The following FAM184B variants were observed in gnomAD, a reference collection of about 807,000 sequenced individuals.
FAM184B encodes the protein family with sequence similarity 184 member B.
Under a neutral mutation model 135.9 loss-of-function variants are expected in FAM184B, and 111 were observed. That is an observed-to-expected ratio of 0.82 (90% confidence interval 0.70 to 0.96). The LOEUF is 0.96. FAM184B is among the 40% of genes least tolerant of loss of function. FAM184B has a pLI of 0.00. For missense variants in FAM184B, 1,375 were observed against 1,323.9 expected, an observed-to-expected ratio of 1.04 and a Z score of -0.60; for synonymous variants, 552 against 524.8, an observed-to-expected ratio of 1.05 and a Z score of -0.71.
chr4:17,673,967 C>T (rs564337277), intron 7 of FAM184B, among the ~76,000 whole-genome samples: 27 of 151,928 alleles, frequency 1.8e-4, no homozygotes, highest in African/African-American at 4.3e-4. Flanking sequence ...GAAAGATTTT[C>T]CCAGACAAAC....
rs1468677524 is a variant in FAM184B, at chr4:17,707,779, C to G, written c.900G>C (p.Leu300=). Residue 300 remains leucine, a synonymous_variant, in exon 3 of 18, where the codon CTG becomes CTC. Coordinates refer to ENST00000265018, the MANE Select transcript of FAM184B (RefSeq NM_015688.2). The stretch of plus-strand genomic sequence containing the variant: ...GTCGAGCCTCCTTAAGCTGCACATC[C>G]AGGTCCTAAACAGACAGGAAGGGTC... ...AQKLKERIQD[L]DVQLKEARQE... The G allele has an allele frequency of 1.3e-6, 2 of 1,551,976 alleles. No individual in the cohort carries two copies. The highest frequency in any genetic ancestry group is 1.7e-6 in the Non-Finnish European group (2 of 1,147,044).
At chr4:17,707,809 T>C in intron 2 of FAM184B, 25 bp from the exon 3 acceptor site, 2 of 1,551,696 alleles carry the variant, frequency 1.3e-6, no homozygotes, top group Non-Finnish European at 1.7e-6. Context: ...AGGGTCCCAT[T>C]TCTCTGGTTA....
intron 7 of FAM184B, 94 bp downstream of exon 7, chr4:17,688,330 C>T (rs1716639019): frequency 1.1e-6 from 1 of 869,900 alleles, no homozygotes; most frequent in Non-Finnish European, 1.8e-6. Flanking sequence ...TGTAAAAGAG[C>T]CCATTAACAT....
intron 7 of FAM184B, among the ~76,000 whole-genome samples, chr4:17,665,525 C>A (rs1171107548): frequency 6.6e-6 from 1 of 152,142 alleles, no homozygotes; most frequent in Non-Finnish European, 1.5e-5. Flanking sequence ...GGCCTTGAGC[C>A]AGCTTCTTCC....
At chr4:17,660,232 CA>C (rs1560170307) in intron 8 of FAM184B, 145 bp from the exon 9 acceptor site, 1 of 919,548 alleles carries the variant, frequency 1.1e-6, no homozygotes. Context: ...GCTTGGCTTT[CA>C]AAAAGCAACC....
intron 1 of FAM184B, among the ~76,000 whole-genome samples, chr4:17,717,072 A>G (rs1013107712): frequency 6.6e-6 from 1 of 152,118 alleles, no homozygotes; most frequent in African/African-American, 2.4e-5. Flanking sequence ...CAGCCTCCCA[A>G]AGTGCTAGGA....
At chr4:17,706,506 A>T (rs1190333406) in intron 3 of FAM184B, among the ~76,000 whole-genome samples, 1 of 152,148 alleles carries the variant, frequency 6.6e-6, no homozygotes, top group East Asian at 1.9e-4. Flanking sequence ...TGCCTTTGTT[A>T]TATCTCCCAG....
chr4:17,642,320 C>G (rs1715347165), intron 12 of FAM184B, 92 bp from the exon 13 acceptor site: 1 of 1,378,386 alleles, frequency 7.3e-7, no homozygotes, highest in South Asian at 1.6e-5. Flanking sequence ...AGATGGAGAC[C>G]CACTGGCACC....
chr4:17,668,214 C>T (rs149819838), intron 7 of FAM184B, among the ~76,000 whole-genome samples: 10 of 152,302 alleles, frequency 6.6e-5, no homozygotes, highest in Non-Finnish European at 7.4e-5. Context: ...TCCAGCGGCC[C>T]GCCCTGCTGA....
chr4:17,660,785 A>G (rs9991307), intron 8 of FAM184B, among the ~76,000 whole-genome samples: 80,291 of 151,798 alleles, frequency 0.53, 23,468 homozygotes, highest in East Asian at 0.83. Flanking sequence ...CTTGTTTGAC[A>G]GCGTGAAAGG....
intron 1 of FAM184B, among the ~76,000 whole-genome samples, chr4:17,729,153 G>A (rs1285474842): frequency 1.3e-5 from 2 of 152,210 alleles, no homozygotes; most frequent in Admixed American, 6.5e-5. Flanking sequence ...CTGATTGCTA[G>A]CACAGCAGTC....
At chr4:17,711,260 C>T (rs1717261949) in intron 1 of FAM184B, among the ~76,000 whole-genome samples, 1 of 151,784 alleles carries the variant, frequency 6.6e-6, no homozygotes, top group Admixed American at 6.6e-5. Context: ...GTGGGCGGAT[C>T]ACATGGTCAG....
intron 5 of FAM184B, among the ~76,000 whole-genome samples, chr4:17,701,031 C>T (rs550214830): frequency 6.6e-6 from 1 of 152,058 alleles, no homozygotes; most frequent in African/African-American, 2.4e-5. Context: ...TGACATATGT[C>T]GAGGTGACAT....
chr4:17,742,168 A>ATATATATATATT (rs1459958150), intron 1 of FAM184B, among the ~76,000 whole-genome samples: 2 of 109,310 alleles, frequency 1.8e-5, no homozygotes, highest in African/African-American at 9.6e-5. Flanking sequence ...ATATATATAT[A>ATATATATATATT]TTTTTTTTTT....
At chr4:17,779,926 G>C (rs1047852267) in intron 1 of FAM184B, among the ~76,000 whole-genome samples, 2 of 152,200 alleles carry the variant, frequency 1.3e-5, no homozygotes, top group Non-Finnish European at 2.9e-5. Flanking sequence ...ATAAATACAT[G>C]TTTTGGTTGA....
At chr4:17,667,853 A>T (rs1170879955) in intron 7 of FAM184B, among the ~76,000 whole-genome samples, 1 of 152,160 alleles carries the variant, frequency 6.6e-6, no homozygotes, top group East Asian at 1.9e-4. Flanking sequence ...GTCATTATTG[A>T]TCTACTCGCT....
In FAM184B at chr4:17,707,638, G is replaced by A. The variant is rs989541104; in HGVS notation, c.1030+11C>T. ...TGGGTCTTTTAAGGAAATCATTCCA[G>A]GGCATCTCACCTGTCTGCTGTGTCC... On this transcript the variant is annotated intron_variant, in intron 3 of 17. Transcript: ENST00000265018. 2 of 1,551,422 alleles carry A rather than the reference G, an allele frequency of 1.3e-6. No individual in the cohort carries two copies. The highest frequency in any genetic ancestry group is 3.9e-5 in the Admixed American group (2 of 50,992).
At chr4:17,747,322 G>A (rs1201556558) in intron 1 of FAM184B, among the ~76,000 whole-genome samples, 1 of 152,078 alleles carries the variant, frequency 6.6e-6, no homozygotes, top group Non-Finnish European at 1.5e-5. Flanking sequence ...GCAGTTGAGG[G>A]GGTGTGGGGT....
intron 10 of FAM184B, among the ~76,000 whole-genome samples, chr4:17,657,698 C>T (rs1410580829): frequency 2.8e-5 from 4 of 143,648 alleles, no homozygotes; most frequent in Non-Finnish European, 4.5e-5. Flanking sequence ...GCTCTGTCAC[C>T]CAGGATGGAA....
Sources: gnomAD v4.1 joint callset for allele counts (sites outside exome capture counted in the v4.1 genomes callset) on GRCh38, gnomAD v4.1.1 for gene constraint, MANE v1.5 for transcripts, NCBI Gene and HGNC (gene_info 2026-07-23, HGNC 2026-07-21) for gene names.